The following MOB4 variants were observed in gnomAD, a reference collection of about 807,000 sequenced individuals.
The protein encoded by MOB4 is MOB family member 4, phocein, also known as MOB-like protein phocein.
Under a neutral mutation model 32.2 loss-of-function variants are expected in MOB4, and 4 were observed. That is an observed-to-expected ratio of 0.12 (90% CI 0.06 to 0.28). MOB4 has a LOEUF of 0.28. Ranked by LOEUF, MOB4 falls within the 10% of genes least tolerant of loss-of-function variation. The probability of loss-of-function intolerance (pLI) is 1.00; values close to 1 mark genes in which losing one functional copy is unlikely to be tolerated. For missense variants in MOB4, 158 were observed against 271.2 expected, an observed-to-expected ratio of 0.58 and a Z score of 2.93; for synonymous variants, 88 against 88.1, an observed-to-expected ratio of 1.00 and a Z score of 0.01.
chr2:197,518,045 G>A (rs903373144), intron 1 of MOB4, among the ~76,000 whole-genome samples: 1 of 151,866 alleles, frequency 6.6e-6, no homozygotes. Context: ...GTAGGCTGAG[G>A]CAGGAGAATC....
chr2:197,527,876 T>C (rs920571052), intron 2 of MOB4, among the ~76,000 whole-genome samples: 2 of 152,206 alleles, frequency 1.3e-5, no homozygotes, highest in African/African-American at 4.8e-5. Flanking sequence ...CTTTTCTGCA[T>C]TGGTATGATT....
Position 197,516,092 on chromosome 2 carries a change from C to T in MOB4, c.6C>T (p.Val2=). 1 of 1,598,534 alleles carries T rather than the reference C, an allele frequency of 6.3e-7. No homozygotes were observed. Among genetic ancestry groups the T allele is most frequent in the Non-Finnish European group, 8.5e-7 (1 of 1,173,944 alleles). M[V]MAEGTAVLRR... is the part of the protein sequence containing the mutation. ...GCCGCCTAGACGCTGGCACTATGGTCATGGCGGAGGGGACGGCAGTGCTGA... is the reference window on the plus strand; with the variant it reads ...GCCGCCTAGACGCTGGCACTATGGTTATGGCGGAGGGGACGGCAGTGCTGA... The change falls in exon 1 of 8, where the codon GTC becomes GTT. Residue 2 remains valine, a synonymous_variant. Coordinates refer to ENST00000323303, the MANE Select transcript of MOB4 (RefSeq NM_015387.5).
chr2:197,537,322 A>T (rs1209590139), intron 3 of MOB4, among the ~76,000 whole-genome samples: 1 of 152,186 alleles, frequency 6.6e-6, no homozygotes, highest in Non-Finnish European at 1.5e-5. Flanking sequence ...AGCTGGGATG[A>T]GTTGACAGAT....
chr2:197,515,995 C>G, upstream of MOB4: 2 of 1,361,286 alleles, frequency 1.5e-6, no homozygotes, highest in East Asian at 2.7e-5. Flanking sequence ...CGCTCCTCCT[C>G]CCAGACGCAG....
At chr2:197,524,392 C>T (rs780752182) in intron 2 of MOB4, among the ~76,000 whole-genome samples, 1 of 151,956 alleles carries the variant, frequency 6.6e-6, no homozygotes, top group Admixed American at 6.6e-5. Flanking sequence ...ATTAGCCAGA[C>T]ATGGTGGCAT....
At chr2:197,544,807 A>T (rs2086965838) in intron 5 of MOB4, among the ~76,000 whole-genome samples, 1 of 152,138 alleles carries the variant, frequency 6.6e-6, no homozygotes, top group Non-Finnish European at 1.5e-5. Context: ...ATTTTACTAC[A>T]ATTTTTTAAA....
chr2:197,541,918 C>CAA (rs367837074), intron 5 of MOB4, among the ~76,000 whole-genome samples: 2 of 140,404 alleles, frequency 1.4e-5, no homozygotes, highest in Admixed American at 7.3e-5. Flanking sequence ...GACTCCGTCT[C>CAA]AAAAAAAATA....
intron 3 of MOB4, among the ~76,000 whole-genome samples, chr2:197,538,430 G>A (rs1418504899): frequency 6.7e-6 from 1 of 149,694 alleles, no homozygotes; most frequent in African/African-American, 2.5e-5. Flanking sequence ...TTGATTTGAG[G>A]CTGTATACTT....
chr2:197,516,700 C>T (rs1443477605), intron 1 of MOB4: 2 of 471,700 alleles, frequency 4.2e-6, no homozygotes, highest in South Asian at 3.1e-5. Flanking sequence ...TGCCGCTTTC[C>T]CTGGAGCTGT....
chr2:197,551,954 T>C lies in MOB4; in HGVS notation c.*1308T>C, dbSNP rs1472660860. On this transcript the variant is annotated 3_prime_UTR_variant, in exon 8 of 8. Transcript: ENST00000323303. Reference sequence around the variant, plus strand: ...TGAAGAAAGTATTTAAATCCAACTTTTGAACAGATTTAACAAACATGAGGA... The same window carrying C: ...TGAAGAAAGTATTTAAATCCAACTTCTGAACAGATTTAACAAACATGAGGA... The C allele has an allele frequency of 1.3e-5, 2 of 152,352 alleles. No individual in the cohort carries two copies. Among genetic ancestry groups the C allele is most frequent in the Admixed American group, 6.5e-5 (1 of 15,276 alleles). 9.4% of individuals were successfully genotyped at this position (152,352 alleles called of 1,614,324 possible).
intron 2 of MOB4, among the ~76,000 whole-genome samples, chr2:197,532,931 T>G (rs2086732390): frequency 6.6e-6 from 1 of 152,030 alleles, no homozygotes; most frequent in Admixed American, 6.6e-5. Context: ...AAACACCATC[T>G]CTACTAAAAA....
At chr2:197,521,533 A>G (rs953090324) in intron 1 of MOB4, among the ~76,000 whole-genome samples, 4 of 152,114 alleles carry the variant, frequency 2.6e-5, no homozygotes, top group Non-Finnish European at 2.9e-5. Flanking sequence ...ATTAGGTGGG[A>G]ATTTCCTCTT....
intron 1 of MOB4, among the ~76,000 whole-genome samples, chr2:197,522,654 C>G (rs2086542529): frequency 6.6e-6 from 1 of 151,702 alleles, no homozygotes; most frequent in Admixed American, 6.6e-5. Context: ...TTAATGGTGC[C>G]CATATTTTGA....
At chr2:197,518,427 G>T (rs1228380028) in intron 1 of MOB4, among the ~76,000 whole-genome samples, 1 of 151,476 alleles carries the variant, frequency 6.6e-6, no homozygotes, top group Non-Finnish European at 1.5e-5. Context: ...GTGCCACCAC[G>T]CCCAGCTAAT....
At chr2:197,532,761 TAGTA>T (rs2106119045) in intron 2 of MOB4, among the ~76,000 whole-genome samples, 1 of 152,098 alleles carries the variant, frequency 6.6e-6, no homozygotes, top group South Asian at 2.1e-4. Flanking sequence ...AAGTAAGTGT[TAGTA>T]AGTTGTGCTA....
intron 5 of MOB4, among the ~76,000 whole-genome samples, chr2:197,540,810 A>G (rs1028046658): frequency 1.3e-5 from 2 of 152,160 alleles, no homozygotes; most frequent in African/African-American, 4.8e-5. Context: ...TTAAGTAGAA[A>G]TGTTACTTTT....
At chr2:197,547,258 A>G (rs1574654927) in intron 5 of MOB4, among the ~76,000 whole-genome samples, 1 of 152,186 alleles carries the variant, frequency 6.6e-6, no homozygotes, top group East Asian at 1.9e-4. Context: ...GGATTTACGC[A>G]GTTCAAACCT....
intron 1 of MOB4, among the ~76,000 whole-genome samples, chr2:197,518,779 A>T (rs573738383): frequency 1.2e-4 from 18 of 151,680 alleles, no homozygotes; most frequent in African/African-American, 4.1e-4. Flanking sequence ...TTTTGAGACA[A>T]GAGTCTCACT....
intron 5 of MOB4, among the ~76,000 whole-genome samples, chr2:197,545,742 G>A (rs1268419003): frequency 6.6e-6 from 1 of 152,148 alleles, no homozygotes. Flanking sequence ...CTGTGAAACA[G>A]AAATTAGGTT....
Sources: allele counts gnomAD v4.1 joint callset (sites outside exome capture counted in the v4.1 genomes callset), GRCh38; gene constraint gnomAD v4.1.1; transcripts MANE v1.5; gene names NCBI Gene and HGNC (gene_info 2026-07-23, HGNC 2026-07-21).